EPHA6: variants seen among roughly 807,000 people sequenced by gnomAD.
The protein encoded by EPHA6 is ephrin type-A receptor 6.
Under a neutral mutation model 112.0 loss-of-function variants are expected in EPHA6, and 50 were observed. That is an observed-to-expected ratio of 0.45 (90% confidence interval 0.36 to 0.56). EPHA6 has a LOEUF of 0.56. Ranked by LOEUF, EPHA6 falls within the 20% of genes least tolerant of loss-of-function variation. EPHA6 has a pLI of 0.00. For missense variants in EPHA6, 1,280 were observed against 1,417.4 expected (o/e 0.90, Z 1.56); for synonymous variants, 529 against 490.7 (o/e 1.08, Z -1.03).
rs151181691 is a variant in EPHA6 at position 96,999,697 on chromosome 3, A to G, written c.1114+11704A>G. On this transcript the variant is annotated intron_variant, in intron 3 of 17. Coordinates refer to ENST00000389672, the MANE Select transcript of EPHA6 (RefSeq NM_001080448.3). ...CTGTCACTTCACCAACAAAATATAG[A>G]TATTGATCCTCATGTGTCTGATAAT... Among the ~76,000 whole-genome samples the G allele has an allele frequency of 5.2e-3, 783 of 151,982 alleles. 8 individuals are homozygous for G. The highest frequency in any genetic ancestry group is 0.017 in the African/African-American group (718 of 41,520).
chr3:97,649,864 C>T (rs1484555374), intron 14 of EPHA6, among the ~76,000 whole-genome samples: 1 of 151,904 alleles, frequency 6.6e-6, no homozygotes, highest in Middle Eastern at 3.2e-3. Flanking sequence ...CATTATAATT[C>T]GCTGATGAGG....
At chr3:96,815,644 C>A (rs1476332090) in intron 1 of EPHA6, among the ~76,000 whole-genome samples, 1 of 151,976 alleles carries the variant, frequency 6.6e-6, no homozygotes, top group Non-Finnish European at 1.5e-5. Flanking sequence ...GTTGTGAATA[C>A]CCTATTCATG....
chr3:97,445,693 T>C (rs1221509298), intron 6 of EPHA6, among the ~76,000 whole-genome samples: 2 of 150,688 alleles, frequency 1.3e-5, no homozygotes, highest in Non-Finnish European at 3.0e-5. Flanking sequence ...AGATATCAAA[T>C]GTAATAGATT....
At chr3:96,904,257 C>T (rs1210148030) in intron 2 of EPHA6, among the ~76,000 whole-genome samples, 1 of 151,758 alleles carries the variant, frequency 6.6e-6, no homozygotes, top group Non-Finnish European at 1.5e-5. Flanking sequence ...CACATATACA[C>T]CATGGAATAC....
intron 10 of EPHA6, among the ~76,000 whole-genome samples, chr3:97,496,739 A>G (rs6795420): frequency 0.27 from 40,245 of 151,792 alleles, 9,738 homozygotes; most frequent in African/African-American, 0.63. Flanking sequence ...ACTGTGTTTT[A>G]GCTGCTGATT....
chr3:97,134,790 A>C (rs1184280557), intron 3 of EPHA6, among the ~76,000 whole-genome samples: 1 of 152,162 alleles, frequency 6.6e-6, no homozygotes, highest in African/African-American at 2.4e-5. Flanking sequence ...CAGAAATTTC[A>C]AATAATTGCA....
chr3:97,736,617 G>T (rs2035275373), intron 16 of EPHA6, among the ~76,000 whole-genome samples: 1 of 151,648 alleles, frequency 6.6e-6, no homozygotes. Context: ...AATATTTCCT[G>T]CTGATATGAT....
At chr3:96,820,329 G>T (rs2033153259) in intron 1 of EPHA6, among the ~76,000 whole-genome samples, 3 of 152,170 alleles carry the variant, frequency 2.0e-5, no homozygotes, top group Middle Eastern at 6.8e-3. Flanking sequence ...TTACATTTTA[G>T]TAGCACCATG....
intron 4 of EPHA6, 36 bp downstream of exon 4, chr3:97,226,455 T>A: frequency 6.4e-7 from 1 of 1,569,080 alleles, no homozygotes; most frequent in Non-Finnish European, 8.6e-7. Context: ...AAATTCTGTT[T>A]CCAACCCTTT....
intron 5 of EPHA6, among the ~76,000 whole-genome samples, chr3:97,351,706 A>C (rs1338652821): frequency 6.6e-6 from 1 of 152,152 alleles, no homozygotes; most frequent in Non-Finnish European, 1.5e-5. Context: ...CTAGGATTAG[A>C]AAATATGATA....
chr3:97,470,823 C>T (rs1009636185), intron 7 of EPHA6, among the ~76,000 whole-genome samples: 11 of 151,518 alleles, frequency 7.3e-5, no homozygotes, highest in African/African-American at 2.7e-4. Flanking sequence ...TGAAATATAT[C>T]ATTTTAATAT....
intron 5 of EPHA6, among the ~76,000 whole-genome samples, chr3:97,277,800 G>A (rs966925907): frequency 1.3e-5 from 2 of 152,218 alleles, no homozygotes; most frequent in Non-Finnish European, 1.5e-5. Context: ...TGGACTGGAA[G>A]TTGCTCCAAG....
intron 2 of EPHA6, among the ~76,000 whole-genome samples, chr3:96,983,608 A>C (rs1233959154): frequency 6.6e-6 from 1 of 152,152 alleles, no homozygotes; most frequent in African/African-American, 2.4e-5. Flanking sequence ...CTGCCTTGCT[A>C]GGTTGGGGAG....
At chr3:96,928,589 A>G (rs2040160211) in intron 2 of EPHA6, among the ~76,000 whole-genome samples, 1 of 152,148 alleles carries the variant, frequency 6.6e-6, no homozygotes, top group Non-Finnish European at 1.5e-5. Flanking sequence ...AAGAATGTAT[A>G]TTCTGTTATT....
chr3:97,733,602 A>G (rs2035131190), intron 15 of EPHA6, among the ~76,000 whole-genome samples: 1 of 152,100 alleles, frequency 6.6e-6, no homozygotes, highest in African/African-American at 2.4e-5. Flanking sequence ...TAGAAAATTT[A>G]GAAGTATAAT....
At chr3:97,598,765 A>C (rs1024000846) in intron 12 of EPHA6, among the ~76,000 whole-genome samples, 10 of 151,370 alleles carry the variant, frequency 6.6e-5, no homozygotes, top group Middle Eastern at 3.4e-3. Context: ...ATTTATAGTC[A>C]TTTGGGTATA....
intron 3 of EPHA6, among the ~76,000 whole-genome samples, chr3:97,033,989 G>T (rs1158473630): frequency 6.6e-6 from 1 of 151,798 alleles, no homozygotes; most frequent in Non-Finnish European, 1.5e-5. Context: ...GATTTGAAAG[G>T]GTTTACCTTA....
At chr3:97,351,230 C>A (rs2083799208) in intron 5 of EPHA6, among the ~76,000 whole-genome samples, 1 of 152,268 alleles carries the variant, frequency 6.6e-6, no homozygotes, top group South Asian at 2.1e-4. Context: ...GGCATGCCAA[C>A]AGAGCTCTTA....
chr3:97,458,353 C>T (rs2090769043), intron 7 of EPHA6, among the ~76,000 whole-genome samples: 1 of 152,032 alleles, frequency 6.6e-6, no homozygotes, highest in South Asian at 2.1e-4. Context: ...TTCTCTTATG[C>T]TTCTGGAAAA....
Sources: gnomAD v4.1 joint callset for allele counts (sites outside exome capture counted in the v4.1 genomes callset) on GRCh38, gnomAD v4.1.1 for gene constraint, MANE v1.5 for transcripts, NCBI Gene and HGNC (gene_info 2026-07-23, HGNC 2026-07-21) for gene names.